Variants in CIROZ observed in about 807,000 individuals in gnomAD.
CIROZ encodes ciliated left-right organizer ZP-N domains-containing protein.
the CIROZ span, chr1:10,947,965 A>T: frequency 6.2e-7 from 1 of 1,613,618 alleles, no homozygotes; most frequent in Non-Finnish European, 8.5e-7. Context: ...CCTCCCACAG[A>T]TGAGGCTTCG....
the CIROZ span, among the ~76,000 whole-genome samples, chr1:10,956,668 A>G: frequency 2.4e-4 from 37 of 151,840 alleles, no homozygotes; most frequent in East Asian, 2.7e-3. Flanking sequence ...TAGTAGAGAC[A>G]GGGTTTCACC....
the CIROZ span, chr1:10,982,068 G>C: frequency 6.5e-7 from 1 of 1,537,068 alleles, no homozygotes; most frequent in Non-Finnish European, 8.7e-7. Context: ...TCCTGCCCTG[G>C]GAGAATTTAA....
At chr1:10,973,774 C>T in the CIROZ span, among the ~76,000 whole-genome samples, 1 of 152,070 alleles carries the variant, frequency 6.6e-6, no homozygotes, top group South Asian at 2.1e-4. Context: ...AGGCAGGAGC[C>T]CCACCCTCCT....
At chr1:10,956,551 C>A in the CIROZ span, among the ~76,000 whole-genome samples, 1 of 151,712 alleles carries the variant, frequency 6.6e-6, no homozygotes, top group Non-Finnish European at 1.5e-5. Flanking sequence ...TCTCGGCTCA[C>A]TGCAAGCTCC....
the CIROZ span, among the ~76,000 whole-genome samples, chr1:10,977,036 G>A: frequency 6.6e-6 from 1 of 152,204 alleles, no homozygotes; most frequent in South Asian, 2.1e-4. Flanking sequence ...GCGCATGCCT[G>A]TAGTCTCAGC....
chr1:10,949,428 C>G, the CIROZ span: 1 of 691,008 alleles, frequency 1.4e-6, no homozygotes, highest in African/African-American at 1.8e-5. Flanking sequence ...CAGGTGGGAG[C>G]TCTTGGGGGC....
At chr1:10,960,507 G>A in the CIROZ span, among the ~76,000 whole-genome samples, 3 of 152,360 alleles carry the variant, frequency 2.0e-5, no homozygotes, top group East Asian at 1.9e-4. The surrounding 1 kb of genome is among the most constrained non-coding windows in gnomAD (Gnocchi z 4.6). Flanking sequence ...TTTAGGGCCC[G>A]TGGACATTCC....
the CIROZ span, among the ~76,000 whole-genome samples, chr1:10,973,241 C>T: frequency 6.6e-6 from 1 of 152,062 alleles, no homozygotes; most frequent in Non-Finnish European, 1.5e-5. Context: ...GGCGTGGTTG[C>T]GGGTGCCTGT....
At chr1:10,969,612 T>C in the CIROZ span, among the ~76,000 whole-genome samples, 1 of 152,188 alleles carries the variant, frequency 6.6e-6, no homozygotes, top group Non-Finnish European at 1.5e-5. Flanking sequence ...AAATATTTAT[T>C]GGGAATCTTC....
the CIROZ span, among the ~76,000 whole-genome samples, chr1:10,975,722 A>G: frequency 6.6e-6 from 1 of 152,134 alleles, no homozygotes; most frequent in African/African-American, 2.4e-5. Flanking sequence ...GGCTAAGTGC[A>G]GGGGCTCTGG....
At chr1:10,954,646 C>T in the CIROZ span, among the ~76,000 whole-genome samples, 6 of 152,066 alleles carry the variant, frequency 3.9e-5, no homozygotes, top group African/African-American at 1.4e-4. Context: ...TTCTTTTTTA[C>T]TTTTATTTTT....
the CIROZ span, among the ~76,000 whole-genome samples, chr1:10,953,835 C>T: frequency 6.6e-6 from 1 of 152,222 alleles, no homozygotes; most frequent in African/African-American, 2.4e-5. Context: ...TCTCATGATA[C>T]TGTTGTTCTT....
At chr1:10,975,384 G>A in the CIROZ span, among the ~76,000 whole-genome samples, 14 of 138,178 alleles carry the variant, frequency 1.0e-4, no homozygotes, top group East Asian at 2.2e-3. Context: ...CAGCCTGGGC[G>A]ACAAGAGCTA....
At chr1:10,980,746 G>C in the CIROZ span, among the ~76,000 whole-genome samples, 2 of 152,124 alleles carry the variant, frequency 1.3e-5, no homozygotes, top group African/African-American at 2.4e-5. Flanking sequence ...AGCATCAATC[G>C]GGAGAAAGAT....
chr1:10,966,579 G>T, the CIROZ span: 26 of 1,308,818 alleles, frequency 2.0e-5, no homozygotes, highest in African/African-American at 3.3e-4. Flanking sequence ...AAACTGCTCC[G>T]CCTGGAAGCT....
chr1:10,969,895 A>T, the CIROZ span: 1 of 1,447,502 alleles, frequency 6.9e-7, no homozygotes, highest in Non-Finnish European at 9.0e-7. Flanking sequence ...GCCATGGGGG[A>T]GGAGCATTGC....
At chr1:10,957,128 C>A in the CIROZ span, 1 of 1,539,750 alleles carries the variant, frequency 6.5e-7, no homozygotes, top group Non-Finnish European at 8.8e-7. Context: ...AGGGGGGTCC[C>A]CCCTGAGGTC....
chr1:10,957,123 G>C, the CIROZ span: 3 of 1,546,250 alleles, frequency 1.9e-6, no homozygotes, highest in Non-Finnish European at 2.6e-6. Context: ...GAGGAAGGGG[G>C]GTCCCCCCTG....
At chr1:10,958,743 G>A in the CIROZ span, 1 of 1,614,038 alleles carries the variant, frequency 6.2e-7, no homozygotes, top group Non-Finnish European at 8.5e-7. Context: ...AGGGGCAGGG[G>A]CCGGGAGACC....
Sources: gnomAD v4.1 joint callset for allele counts (sites outside exome capture counted in the v4.1 genomes callset) on GRCh38, gnomAD v4.1.1 for gene constraint, Gnocchi (gnomAD v3.1) non-coding constraint, MANE v1.5 for transcripts, NCBI Gene and HGNC (gene_info 2026-07-23, HGNC 2026-07-21) for gene names.